The following REXO5 variants were observed in gnomAD, a reference collection of about 807,000 sequenced individuals.
REXO5 encodes RNA exonuclease 5.
Under a neutral mutation model 88.5 loss-of-function variants are expected in REXO5, and 48 were observed. The observed-to-expected ratio is 0.54, with a 90% confidence interval of 0.43 to 0.69. REXO5 has a LOEUF of 0.69. REXO5 is among the 30% of genes least tolerant of loss of function. The probability of loss-of-function intolerance (pLI) is 0.00; values close to 1 mark genes in which losing one functional copy is unlikely to be tolerated. For missense variants in REXO5, 749 were observed against 912.2 expected (o/e 0.82, Z 2.30); for synonymous variants, 311 against 336.5 (o/e 0.92, Z 0.83).
At chr16:20,831,923 A>G (rs906882230) in intron 11 of REXO5, among the ~76,000 whole-genome samples, 5 of 152,190 alleles carry the variant, frequency 3.3e-5, no homozygotes, top group Non-Finnish European at 7.3e-5. Context: ...TCATGTAACA[A>G]TGTTAGTAGC....
intron 2 of REXO5, among the ~76,000 whole-genome samples, chr16:20,809,571 G>T (rs532987943): frequency 6.6e-6 from 1 of 152,258 alleles, no homozygotes; most frequent in East Asian, 1.9e-4. Context: ...TTAGATTCAG[G>T]TTATATACAT....
At chr16:20,835,990 C>T (rs746190215) in intron 13 of REXO5, among the ~76,000 whole-genome samples, 2 of 151,962 alleles carry the variant, frequency 1.3e-5, no homozygotes, top group South Asian at 2.1e-4. Context: ...CAGTGACTGA[C>T]GTATGATCGC....
In REXO5 at chr16:20,845,278, A is replaced by T. The variant is rs1414074294; in HGVS notation, c.2124+37A>T. 2.5e-6 allele frequency: 4 copies of T among 1,570,758 alleles called. No individual in the cohort carries two copies. The African/African-American group carries it at 5.4e-5, about 21-fold the overall frequency. The stretch of plus-strand genomic sequence containing the variant: ...AAGGCGTCTTGGAGAAGATGTCAGG[A>T]GAGTCCTGCTCAGTGACACTTAATC... On this transcript the variant is annotated intron_variant, in intron 18 of 19. Transcript: ENST00000261377.
At chr16:20,807,761 A>G (rs2080920672) in intron 2 of REXO5, among the ~76,000 whole-genome samples, 1 of 150,270 alleles carries the variant, frequency 6.7e-6, no homozygotes, top group African/African-American at 2.5e-5. Flanking sequence ...CAAAAAACAA[A>G]ACAAAAAAAA....
chr16:20,840,722 CT>C (rs2081514098), intron 15 of REXO5, among the ~76,000 whole-genome samples: 1 of 152,070 alleles, frequency 6.6e-6, no homozygotes, highest in South Asian at 2.1e-4. Context: ...AATCCCAGCA[CT>C]TTGGGAGTTT....
chr16:20,849,335 G>A (rs1017619266), intron 19 of REXO5, 64 bp from the exon 20 acceptor site: 66 of 1,443,222 alleles, frequency 4.6e-5, no homozygotes, highest in Non-Finnish European at 6.3e-5. Flanking sequence ...CTCTAACTAG[G>A]CATTTATAAC....
At chr16:20,826,675 C>A (rs1331139524) in intron 8 of REXO5, among the ~76,000 whole-genome samples, 1 of 152,080 alleles carries the variant, frequency 6.6e-6, no homozygotes, top group Non-Finnish European at 1.5e-5. Context: ...TTAAAATATG[C>A]TGTATCTGTA....
At chr16:20,839,675 T>C in intron 13 of REXO5, 80 bp from the exon 14 acceptor site, 1 of 860,818 alleles carries the variant, frequency 1.2e-6, no homozygotes, top group Non-Finnish European at 1.8e-6. Context: ...AACTACTGTT[T>C]ATATTATTGT....
chr16:20,807,894 T>C (rs2080925762), intron 2 of REXO5, among the ~76,000 whole-genome samples: 2 of 152,066 alleles, frequency 1.3e-5, no homozygotes, highest in South Asian at 4.1e-4. Context: ...CACAGACTAG[T>C]ACCTGCCTGT....
intron 2 of REXO5, among the ~76,000 whole-genome samples, chr16:20,809,880 T>C (rs549215127): frequency 6.6e-6 from 1 of 152,362 alleles, no homozygotes; most frequent in East Asian, 1.9e-4. Flanking sequence ...GTAATGTGCT[T>C]CCTCAAACAC....
rs199558198 is a variant in REXO5, at chr16:20,844,796, C to G, written c.1887C>G (p.Ile629Met). Residue 629 changes from isoleucine to methionine, a missense_variant, in exon 17 of 20, where the codon ATC (isoleucine) becomes ATG (methionine). Ile to Met is a conservative substitution (Grantham distance 10). Coordinates refer to ENST00000261377, the MANE Select transcript of REXO5 (RefSeq NM_030941.3). ...PRLFLGLEAV[I>M]LPKDLKSGKQ... ...TCTTTCTTGGCCTGGAAGCTGTGAT[C>G]TTGCCTAAAGATCTTAAAAGTGGAA... 161 of 1,614,150 alleles carry G rather than the reference C, an allele frequency of 1.0e-4. No homozygotes were observed. Among genetic ancestry groups the G allele is most frequent in the Admixed American group, 3.3e-4 (20 of 60,012 alleles).
intron 5 of REXO5, among the ~76,000 whole-genome samples, chr16:20,818,850 G>A (rs959757831): frequency 2.0e-5 from 3 of 152,168 alleles, no homozygotes; most frequent in African/African-American, 7.2e-5. Flanking sequence ...AATGTGTGCT[G>A]TAGTGGTTTA....
At chr16:20,820,536 ATATATATATTTTTTTTTTTTTTTTTTTT>A (rs1290682752) in intron 5 of REXO5, among the ~76,000 whole-genome samples, 8 of 12,654 alleles carry the variant, frequency 6.3e-4, no homozygotes, top group Admixed American at 1.9e-3. Context: ...ATATATATAT[ATATATATATTTTTTTTTTTTTTTTTTTT>A]TTTTTTTTTT....
Position 20,816,216 on chromosome 16 carries a change from T to C in REXO5, c.475+4T>C, listed in dbSNP as rs1414073236. On this transcript the variant is annotated splice_donor_region_variant and intron_variant, in intron 5 of 19. Transcript: ENST00000261377. ...GATCTGCCCAAGACAATGGAAGGTATAGCTATGATGCTGGTTTGATGCTTT... is the reference window on the plus strand; with the variant it reads ...GATCTGCCCAAGACAATGGAAGGTACAGCTATGATGCTGGTTTGATGCTTT... 31 of 1,605,038 alleles carry C rather than the reference T, an allele frequency of 1.9e-5. 1 individual carries two copies. Among genetic ancestry groups the C allele is most frequent in the Non-Finnish European group, 2.6e-5 (31 of 1,172,122 alleles).
Position 20,828,540 on chromosome 16 carries a change from TA to T in REXO5, c.1158+4del. 6.2e-7 allele frequency: 1 copy of T among 1,600,514 alleles called. No individual in the cohort carries two copies. The highest frequency in any genetic ancestry group is 8.6e-7 in the Non-Finnish European group (1 of 1,167,638). On this transcript the variant is annotated splice_donor_region_variant and intron_variant, in intron 11 of 19. Transcript: ENST00000261377. Reference sequence around the variant, plus strand: ...TCCTTAAGCATGGCCCAAAAAAGGTTAGTATCTTTGCCCAGTGTGTTCACCT... The same window carrying T: ...TCCTTAAGCATGGCCCAAAAAAGGTTGTATCTTTGCCCAGTGTGTTCACCT...
Position 20,827,055 on chromosome 16 carries a change from A to T in REXO5, c.822-3A>T. 2 of 1,613,572 alleles carry T rather than the reference A, an allele frequency of 1.2e-6. No homozygotes were observed. The highest frequency in any genetic ancestry group is 1.7e-6 in the Non-Finnish European group (2 of 1,179,770). On this transcript the variant is annotated splice_polypyrimidine_tract_variant and splice_region_variant and intron_variant, in intron 8 of 19. Coordinates refer to ENST00000261377, the MANE Select transcript of REXO5 (RefSeq NM_030941.3). ...CTGTCCATTTCTCTTTTTTTAATGA[A>T]AGCTTTTCGGGAATCACGAAGAAGA...
chr16:20,814,897 C>T (rs1179743892), intron 3 of REXO5, 30 bp from the exon 4 acceptor site: 1 of 1,603,646 alleles, frequency 6.2e-7, no homozygotes, highest in Admixed American at 1.7e-5. Context: ...GGCCATCTGT[C>T]TTAACTGTGT....
rs754521722 is a variant in REXO5 at position 20,814,891 on chromosome 16, A to T, written c.252-36A>T. ...ATATGACTGTAACTGACTTAAGGCCATCTGTCTTAACTGTGTTGGTTTGAT... is the reference window on the plus strand; with the variant it reads ...ATATGACTGTAACTGACTTAAGGCCTTCTGTCTTAACTGTGTTGGTTTGAT... On this transcript the variant is annotated intron_variant, in intron 3 of 19. Transcript: ENST00000261377. The T allele has an allele frequency of 3.8e-6, 6 of 1,585,582 alleles. No individual in the cohort carries two copies. The South Asian group carries it at 7.0e-5, about 19-fold the overall frequency.
Position 20,849,442 on chromosome 16 carries a change from G to C in REXO5, c.2287G>C (p.Glu763Gln). ...LSGLGLMGIK[E>Q]EEESAGPGLC... ...TGGTCTAGGACTGATGGGAATAAAA[G>C]AGGAAGAAGAAAGCGCTGGCCCAGG... Residue 763 changes from glutamate (E) to glutamine (Q), a missense_variant, in exon 20 of 20, where the codon GAG becomes CAG. By Grantham distance (29) the Glu-to-Gln change is conservative (BLOSUM62 2). Coordinates refer to ENST00000261377, the MANE Select transcript of REXO5 (RefSeq NM_030941.3). 1 of 1,614,094 alleles carries C rather than the reference G, an allele frequency of 6.2e-7. No individual in the cohort carries two copies. Among genetic ancestry groups the C allele is most frequent in the Non-Finnish European group, 8.5e-7 (1 of 1,179,922 alleles).
Sources: gnomAD v4.1 joint callset for allele counts (sites outside exome capture counted in the v4.1 genomes callset) on GRCh38, gnomAD v4.1.1 for gene constraint, MANE v1.5 for transcripts, NCBI Gene and HGNC (gene_info 2026-07-23, HGNC 2026-07-21) for gene names.